The following SETX variants were observed in gnomAD, a reference collection of about 807,000 sequenced individuals.
The protein encoded by SETX is senataxin.
In SETX, 90 loss-of-function variants were observed where a neutral mutation model predicts 227.2. That is an observed-to-expected ratio of 0.40 (90% CI 0.33 to 0.47). SETX has a LOEUF of 0.47. SETX is among the 20% of genes least tolerant of loss of function. The pLI is 0.91. For synonymous variants in SETX, 1,210 were observed against 1,113.2 expected, an observed-to-expected ratio of 1.09 and a Z score of -1.73; for missense variants, 3,052 against 3,181.5, an observed-to-expected ratio of 0.96 and a Z score of 0.98.
rs1358706180 is a variant in SETX, at chr9:132,274,916, G to A, written c.7100+340C>T. 8 of 280,374 alleles carry A rather than the reference G, an allele frequency of 2.9e-5. No individual in the cohort carries two copies. In the East Asian group the frequency reaches 6.4e-4, roughly 23 times the overall value. 17.4% of individuals were successfully genotyped at this position (280,374 alleles called of 1,614,324 possible). A position where few individuals can be genotyped will look rare whatever the true frequency, so the allele number is the denominator to read the frequency against. The stretch of plus-strand genomic sequence containing the variant: ...CATTCTATACATAAAGGCAATACAA[G>A]GGTTAAATCATTTATTTAAAGTGAA... On this transcript the variant is annotated intron_variant, in intron 23 of 25. Coordinates refer to ENST00000224140, the MANE Select transcript of SETX (RefSeq NM_015046.7).
chr9:132,334,544 T>C, intron 7 of SETX, 64 bp downstream of exon 7: 1 of 1,572,222 alleles, frequency 6.4e-7, no homozygotes, highest in Non-Finnish European at 8.7e-7. Flanking sequence ...GCAGTGACAC[T>C]ATCATTTTTA....
chr9:132,341,078 G>A (rs1399833158), intron 5 of SETX, among the ~76,000 whole-genome samples: 1 of 152,036 alleles, frequency 6.6e-6, no homozygotes, highest in Non-Finnish European at 1.5e-5. Context: ...TGGACGTGGT[G>A]GCTCACACCT....
chr9:132,265,320 G>T (rs970692051), intron 25 of SETX, among the ~76,000 whole-genome samples: 5 of 149,522 alleles, frequency 3.3e-5, no homozygotes, highest in African/African-American at 1.2e-4. Flanking sequence ...CCACCTCCCG[G>T]GTTCACGCCA....
At chr9:132,295,770 A>G in intron 15 of SETX, 102 bp downstream of exon 15, 1 of 1,022,214 alleles carries the variant, frequency 9.8e-7, no homozygotes. Flanking sequence ...TTCAAGTAGA[A>G]GCTATTACCA....
At chr9:132,282,169 G>A (rs996591172) in intron 19 of SETX, among the ~76,000 whole-genome samples, 7 of 151,570 alleles carry the variant, frequency 4.6e-5, no homozygotes, top group Non-Finnish European at 7.4e-5. Context: ...GGAACCAGCC[G>A]TAAGTTCAGA....
intron 24 of SETX, among the ~76,000 whole-genome samples, chr9:132,271,320 T>C (rs909755592): frequency 1.3e-5 from 2 of 152,184 alleles, no homozygotes; most frequent in South Asian, 2.1e-4. Context: ...TCCCAGCATT[T>C]TGGGAGGCCA....
rs531113893 is a variant in SETX, at chr9:132,263,563, A to G, written c.*676T>C. ...AGGTAAATGAACTCATCACAGAAAT[A>G]TAATACCCTGGGCCAATGCACTCTA... is the stretch of plus-strand genomic sequence containing the variant. On this transcript the variant is annotated 3_prime_UTR_variant, in exon 26 of 26. Coordinates refer to ENST00000224140, the MANE Select transcript of SETX (RefSeq NM_015046.7). 3.9e-5 allele frequency: 6 copies of G among 152,442 alleles called. No homozygotes were observed. Among genetic ancestry groups the G allele is most frequent in the Admixed American group, 6.5e-5 (1 of 15,304 alleles). The allele number at this position is 152,442 out of a possible 1,614,324, so 9.4% of individuals were successfully genotyped here.
rs1299115215 is a variant in SETX at position 132,326,721 on chromosome 9, T to C, written c.4877A>G (p.Asn1626Ser). 4.3e-6 allele frequency: 7 copies of C among 1,614,092 alleles called. No individual in the cohort carries two copies. The highest frequency in any genetic ancestry group is 5.9e-6 in the Non-Finnish European group (7 of 1,180,042). ...AATCGACTGTATCCCCTTTGACTTATTTTTTAGAGACGGTGAAAGTGCTGA... is the reference window on the plus strand; with the variant it reads ...AATCGACTGTATCCCCTTTGACTTACTTTTTAGAGACGGTGAAAGTGCTGA... ...TSSALSPSLKNKSKGIQSILK... is the reference protein window; with the variant it reads ...TSSALSPSLKSKSKGIQSILK... The change falls in exon 10 of 26, where the codon AAT (asparagine) becomes AGT (serine). Residue 1626 changes from asparagine (N) to serine (S), a missense_variant. By Grantham distance (46) the Asn-to-Ser change is conservative. Transcript: ENST00000224140.
chr9:132,290,942 C>G (rs138855598), intron 15 of SETX, among the ~76,000 whole-genome samples: 2,907 of 152,132 alleles, frequency 0.019, 103 homozygotes, highest in African/African-American at 0.067. Context: ...GGACACGTCA[C>G]AGTTATTTGT....
chr9:132,294,025 A>AAAATAAAT (rs553767403), intron 15 of SETX, among the ~76,000 whole-genome samples: 4 of 151,966 alleles, frequency 2.6e-5, no homozygotes, highest in Admixed American at 6.6e-5. Context: ...CTCCGTCTCA[A>AAAATAAAT]AAATAAATAA....
chr9:132,271,792 T>C lies in SETX; in HGVS notation c.7117A>G (p.Thr2373Ala). The C allele has an allele frequency of 6.2e-7, 1 of 1,613,670 alleles. No homozygotes were observed. The highest frequency in any genetic ancestry group is 1.1e-5 in the South Asian group (1 of 91,092). ...TGCCGACCCTGGAATGCATCCACAG[T>C]GTCTACTTCTGCTGGTCTATTTACA... ...FDRKGPAEVD[T>A]VDAFQGRQKD... The change falls in exon 24 of 26, where the codon ACT (threonine) becomes GCT (alanine). Residue 2373 changes from threonine to alanine, a missense_variant. Transcript: ENST00000224140.
At chr9:132,295,805 C>A (rs1844633747) in intron 15 of SETX, 67 bp downstream of exon 15, 2 of 1,443,334 alleles carry the variant, frequency 1.4e-6, no homozygotes, top group Non-Finnish European at 1.9e-6. Flanking sequence ...TTTCCTTTGT[C>A]ATTCAAAGTT....
chr9:132,294,307 T>C (rs866202016), intron 15 of SETX, among the ~76,000 whole-genome samples: 11 of 152,332 alleles, frequency 7.2e-5, no homozygotes, highest in Middle Eastern at 6.8e-3. Flanking sequence ...ATATGCTAGA[T>C]ACCCATGTTT....
At chr9:132,345,929 G>A (rs548860577) in intron 4 of SETX, among the ~76,000 whole-genome samples, 4 of 152,290 alleles carry the variant, frequency 2.6e-5, no homozygotes, top group South Asian at 2.1e-4. Flanking sequence ...TCAGGCAGGA[G>A]TATTACTTGA....
At chr9:132,285,044 A>T (rs979646514) in intron 18 of SETX, among the ~76,000 whole-genome samples, 2 of 151,926 alleles carry the variant, frequency 1.3e-5, no homozygotes, top group Admixed American at 6.6e-5. Context: ...ACGCCCAGCT[A>T]ATTTTTTGTA....
intron 11 of SETX, 46 bp from the exon 12 acceptor site, chr9:132,300,849 T>C: frequency 6.6e-7 from 1 of 1,505,202 alleles, no homozygotes; most frequent in South Asian, 1.2e-5. Context: ...CTAATAGAAT[T>C]ATTTTAAATA....
chr9:132,286,337 A>C lies in SETX; in HGVS notation c.6396+86T>G, dbSNP rs1008478652. The C allele has an allele frequency of 1.1e-5, 11 of 956,576 alleles. 1 individual carries two copies. Among genetic ancestry groups the C allele is most frequent in the South Asian group, 1.0e-4 (7 of 70,178 alleles). The allele number at this position is 956,576 out of a possible 1,614,324, so 59.3% of individuals were successfully genotyped here. A position where few individuals can be genotyped will look rare whatever the true frequency, so the allele number is the denominator to read the frequency against. On this transcript the variant is annotated intron_variant, in intron 18 of 25. Coordinates refer to ENST00000224140, the MANE Select transcript of SETX (RefSeq NM_015046.7). Reference sequence around the variant, plus strand: ...TCTGTCTCCAAAATAAATAAATAAAAGCCCATAGCTTGTCTGAACAGTCAT... The same window carrying C: ...TCTGTCTCCAAAATAAATAAATAAACGCCCATAGCTTGTCTGAACAGTCAT...
chr9:132,288,570 C>T lies in SETX; in HGVS notation c.6188G>A (p.Ser2063Asn). ...NSEVLKFSLDSQVNHRMKKEL... is the reference protein window; with the variant it reads ...NSEVLKFSLDNQVNHRMKKEL... The stretch of plus-strand genomic sequence containing the variant: ...CTTACTCATTCTGTGGTTTACTTGG[C>T]TGTCCAAACTGAACTTTAGAACCTC... The change falls in exon 16 of 26, where the codon AGC (serine) becomes AAC (asparagine). Residue 2063 changes from serine to asparagine, a missense_variant. By Grantham distance (46) the Ser-to-Asn change is conservative. This residue lies in a region of SETX where 412 missense variants were observed against 589.0 expected (regional missense o/e 0.70). Transcript: ENST00000224140. The T allele has an allele frequency of 6.2e-7, 1 of 1,613,340 alleles. No individual in the cohort carries two copies. The highest frequency in any genetic ancestry group is 8.5e-7 in the Non-Finnish European group (1 of 1,179,374).
At chr9:132,292,340 G>A (rs1306731872) in intron 15 of SETX, among the ~76,000 whole-genome samples, 4 of 140,840 alleles carry the variant, frequency 2.8e-5, no homozygotes, top group African/African-American at 1.0e-4. Flanking sequence ...GAGGCAGGAA[G>A]ATCACTTGAG....
Sources: gnomAD v4.1 joint callset for allele counts (sites outside exome capture counted in the v4.1 genomes callset) on GRCh38, gnomAD v4.1.1 for gene constraint, gnomAD v4.1.1 regional missense constraint, MANE v1.5 for transcripts, NCBI Gene and HGNC (gene_info 2026-07-23, HGNC 2026-07-21) for gene names.